SPEG: variants seen among roughly 807,000 people sequenced by gnomAD.
SPEG encodes striated muscle enriched protein kinase.
Under a neutral mutation model 300.4 loss-of-function variants are expected in SPEG, and 114 were observed. The ratio of observed to expected loss-of-function variants is 0.38; its 90% CI spans 0.33 to 0.44. The LOEUF (loss-of-function observed/expected upper bound fraction) is 0.44. Among genes scored for constraint, SPEG ranks in the 20% least tolerant of loss-of-function variants. SPEG has a pLI of 1.00. For missense variants in SPEG, 4,201 were observed against 4,586.2 expected (o/e 0.92, Z 2.43); for synonymous variants, 1,964 against 2,018.9 (o/e 0.97, Z 0.73).
chr2:219,442,503 C>T (rs1157476882), intron 1 of SPEG, among the ~76,000 whole-genome samples: 1 of 148,042 alleles, frequency 6.8e-6, no homozygotes, highest in Non-Finnish European at 1.5e-5. Flanking sequence ...CTGAAAGCAA[C>T]GCACACGGAT....
chr2:219,465,649 GC>G, intron 9 of SPEG: 1 of 288,750 alleles, frequency 3.5e-6, no homozygotes, highest in Non-Finnish European at 6.5e-6. Flanking sequence ...GTCTCTGCCT[GC>G]CCAGGAACCC....
At chr2:219,492,038 A>G in intron 39 of SPEG, 73 bp from the exon 40 acceptor site, 1 of 1,521,460 alleles carries the variant, frequency 6.6e-7, no homozygotes, top group Non-Finnish European at 9.0e-7. Flanking sequence ...TGTGCACCTG[A>G]CACTAATGTC....
Position 219,489,377 on chromosome 2 carries a change from G to A in SPEG, c.8359G>A (p.Val2787Ile), listed in dbSNP as rs1306005418. Residue 2787 changes from valine (V) to isoleucine (I), a missense_variant, in exon 36 of 41, where the codon GTC becomes ATC. By Grantham distance (29) the Val-to-Ile change is conservative. Around this residue, in one of 4 missense-constraint regions of SPEG, gnomAD observed 1,578 missense variants for 1,506.0 expected, o/e 1.05. Transcript: ENST00000312358. Reference sequence around the variant, plus strand: ...ATCTGCTGCCCACCAAGAGGCCCCTGTCACCTCAAGGCCAGCCAGGGCCCG... The same window carrying A: ...ATCTGCTGCCCACCAAGAGGCCCCTATCACCTCAAGGCCAGCCAGGGCCCG... ...VPSAAHQEAP[V>I]TSRPARARPP... 15 of 1,613,262 alleles carry A rather than the reference G, an allele frequency of 9.3e-6. No homozygotes were observed. Among genetic ancestry groups the A allele is most frequent in the Non-Finnish European group, 1.3e-5 (15 of 1,179,774 alleles).
At chr2:219,466,456 T>C in intron 9 of SPEG, 2 of 1,209,386 alleles carry the variant, frequency 1.7e-6, no homozygotes, top group South Asian at 2.3e-5. Flanking sequence ...CAGGGAAGGA[T>C]GCCTCGGAGC....
chr2:219,448,174 C>G lies in SPEG; in HGVS notation c.1016C>G (p.Thr339Ser). 1 of 1,612,000 alleles carries G rather than the reference C, an allele frequency of 6.2e-7. No homozygotes were observed. Among genetic ancestry groups the G allele is most frequent in the South Asian group, 1.1e-5 (1 of 91,026 alleles). Residue 339 changes from threonine (T) to serine (S), a missense_variant, in exon 4 of 41, where the codon ACT (threonine) becomes AGT (serine). Around this residue, in one of 4 missense-constraint regions of SPEG, gnomAD observed 1,258 missense variants for 1,293.9 expected, o/e 0.97. Coordinates refer to ENST00000312358, the MANE Select transcript of SPEG (RefSeq NM_005876.5). The part of the protein sequence containing the change: ...AATPTSPHRR[T>S]QEPVLPEDTT... ...ACCCCCACGTCGCCCCACCGTCGCA[C>G]TCAGGAGCCTGTGCTGCCCGAGGAC...
intron 3 of SPEG, 30 bp from the exon 4 acceptor site, chr2:219,447,944 C>T (rs775632624): frequency 6.2e-7 from 1 of 1,605,156 alleles, no homozygotes; most frequent in Non-Finnish European, 8.5e-7. Context: ...CCCCCTGAAT[C>T]CTCTACCCTT....
Position 219,478,111 on chromosome 2 carries a change from C to A in SPEG, c.5027+6C>A, listed in dbSNP as rs747206258. On this transcript the variant is annotated splice_donor_region_variant and intron_variant, in intron 22 of 40. Coordinates refer to ENST00000312358, the MANE Select transcript of SPEG (RefSeq NM_005876.5). The stretch of plus-strand genomic sequence containing the variant: ...CTGGTCATTGTCACCGAGCTGTATC[C>A]TGGGACAGGCTGGGGGCTAGGGGGA... 6.2e-7 allele frequency: 1 copy of A among 1,611,852 alleles called. No individual in the cohort carries two copies. Among genetic ancestry groups the A allele is most frequent in the Non-Finnish European group, 8.5e-7 (1 of 1,178,114 alleles).
chr2:219,465,930 T>C (rs1472859258), intron 9 of SPEG: 3 of 616,848 alleles, frequency 4.9e-6, no homozygotes, highest in Non-Finnish European at 7.9e-6. Flanking sequence ...TGTGCGCGCG[T>C]GTGCGTGCAC....
Position 219,480,561 on chromosome 2 carries a change from C to A in SPEG, c.5343-110C>A. 2 of 1,100,838 alleles carry A rather than the reference C, an allele frequency of 1.8e-6. No homozygotes were observed. The highest frequency in any genetic ancestry group is 2.8e-6 in the Non-Finnish European group (2 of 717,258). The allele number at this position is 1,100,838 out of a possible 1,614,324, so 68.2% of individuals were successfully genotyped here. A position where few individuals can be genotyped will look rare whatever the true frequency, so the allele number is the denominator to read the frequency against. On this transcript the variant is annotated intron_variant, in intron 25 of 40. Coordinates refer to ENST00000312358, the MANE Select transcript of SPEG (RefSeq NM_005876.5). The surrounding 1 kb of genome is among the most constrained non-coding windows in gnomAD (Gnocchi z 5.3). ...CCACTCCTGTGCCCATTGTCCATGGCAGTGTTCCCAGGGAGGTAACAGCTC... is the reference window on the plus strand; with the variant it reads ...CCACTCCTGTGCCCATTGTCCATGGAAGTGTTCCCAGGGAGGTAACAGCTC...
At position 219,492,961 on chromosome 2, in the gene SPEG, A is replaced by G. The variant is rs771519262; in HGVS notation, c.*175A>G. On this transcript the variant is annotated 3_prime_UTR_variant, in exon 41 of 41. Transcript: ENST00000312358. ...CAAGGACAGAGACCCCAGGGCCTGG[A>G]CCTGATGCCACCCCAGGCCAAAGCC... 6.5e-6 allele frequency: 5 copies of G among 767,726 alleles called. No individual in the cohort carries two copies. The allele number at this position is 767,726 out of a possible 1,614,324, so 47.6% of individuals were successfully genotyped here.
Position 219,484,340 on chromosome 2 carries a change from C to G in SPEG, c.6877C>G (p.Arg2293Gly), listed in dbSNP as rs1693170172. Residue 2293 changes from arginine to glycine, a missense_variant, in exon 30 of 41, where the codon CGC (arginine) becomes GGC (glycine). Physicochemically the swap from Arg to Gly is moderately radical, Grantham distance 125. Coordinates refer to ENST00000312358, the MANE Select transcript of SPEG (RefSeq NM_005876.5). ...CCCACCTCCGGGAGCCCCCGAGAAGCGCGTGCCCTCAGCCGGGGGTCCCCC... is the reference window on the plus strand; with the variant it reads ...CCCACCTCCGGGAGCCCCCGAGAAGGGCGTGCCCTCAGCCGGGGGTCCCCC... Reference protein sequence around the residue: ...ASPPPGAPEKRVPSAGGPPVL... With the variant: ...ASPPPGAPEKGVPSAGGPPVL... The G allele has an allele frequency of 1.9e-6, 3 of 1,604,488 alleles. No individual in the cohort carries two copies. The highest frequency in any genetic ancestry group is 2.7e-5 in the African/African-American group (2 of 74,848).
Position 219,448,800 on chromosome 2 carries a change from G to C in SPEG, c.1642G>C (p.Val548Leu). The change falls in exon 4 of 41, where the codon GTG (valine) becomes CTG (leucine). Residue 548 changes from valine (V) to leucine (L), a missense_variant. Around this residue, in one of 4 missense-constraint regions of SPEG, gnomAD observed 1,258 missense variants for 1,293.9 expected, o/e 0.97. Coordinates refer to ENST00000312358, the MANE Select transcript of SPEG (RefSeq NM_005876.5). ...RPSTPKTSRAVSPAAAQPPSP... is the reference protein window; with the variant it reads ...RPSTPKTSRALSPAAAQPPSP... The stretch of plus-strand genomic sequence containing the variant: ...CTCCACCCCCAAGACATCGCGGGCC[G>C]TGAGCCCCGCCGCCGCCCAGCCGCC... 1 of 1,402,982 alleles carries C rather than the reference G, an allele frequency of 7.1e-7. No homozygotes were observed. The highest frequency in any genetic ancestry group is 9.2e-7 in the Non-Finnish European group (1 of 1,086,478). The allele number at this position is 1,402,982 out of a possible 1,614,324, so 86.9% of individuals were successfully genotyped here.
In SPEG at chr2:219,473,782, A is replaced by G; in HGVS notation, c.4326A>G (p.Pro1442=). 2.5e-6 allele frequency: 4 copies of G among 1,614,062 alleles called. No individual in the cohort carries two copies. Among genetic ancestry groups the G allele is most frequent in the Non-Finnish European group, 3.4e-6 (4 of 1,180,032 alleles). ...CCGGTGTGTACGAGCTGAGCCAGCCAGATGATGACCAGTACTGTCTTCGGA... is the reference window on the plus strand; with the variant it reads ...CCGGTGTGTACGAGCTGAGCCAGCCGGATGATGACCAGTACTGTCTTCGGA... ...ARAGVYELSQ[P]DDDQYCLRIC... is the part of the protein sequence containing the mutation. The change falls in exon 18 of 41, where the codon CCA becomes CCG. Residue 1442 remains proline, a synonymous_variant. Transcript: ENST00000312358. The surrounding 1 kb of genome is among the most constrained non-coding windows in gnomAD (Gnocchi z 4.6).
chr2:219,449,058 C>T lies in SPEG; in HGVS notation c.1900C>T (p.Pro634Ser). The T allele has an allele frequency of 2.0e-6, 3 of 1,518,178 alleles. No individual in the cohort carries two copies. Among genetic ancestry groups the T allele is most frequent in the Non-Finnish European group, 2.6e-6 (3 of 1,132,774 alleles). 94.0% of individuals were successfully genotyped at this position (1,518,178 alleles called of 1,614,324 possible). The stretch of plus-strand genomic sequence containing the variant: ...ACCCCCCGGTCGGAAGCGGGAGCCC[C>T]CGGCGCAGGCCGTGCGCTTCCTGCC... ...KAPPGRKREPPAQAVRFLPWA... is the reference protein window; with the variant it reads ...KAPPGRKREPSAQAVRFLPWA... The change falls in exon 4 of 41, where the codon CCG (proline) becomes TCG (serine). Residue 634 changes from proline to serine, a missense_variant. Around this residue, in one of 4 missense-constraint regions of SPEG, gnomAD observed 1,258 missense variants for 1,293.9 expected, o/e 0.97. Coordinates refer to ENST00000312358, the MANE Select transcript of SPEG (RefSeq NM_005876.5).
chr2:219,487,963 T>C (rs903030581), intron 31 of SPEG, among the ~76,000 whole-genome samples: 1 of 152,176 alleles, frequency 6.6e-6, no homozygotes, highest in African/African-American at 2.4e-5. Flanking sequence ...CAGCAGTCAG[T>C]GCAAGGAAAA....
intron 1 of SPEG, chr2:219,442,094 CG>C (rs1189548252): frequency 4.2e-6 from 5 of 1,192,804 alleles, no homozygotes; most frequent in South Asian, 4.2e-5. Flanking sequence ...GTGAGGGCTC[CG>C]GGGGCGGGCG....
chr2:219,468,820 A>C, intron 11 of SPEG, 39 bp from the exon 12 acceptor site: 1 of 1,607,806 alleles, frequency 6.2e-7, no homozygotes, highest in Non-Finnish European at 8.5e-7. Context: ...AGGGCCCCTC[A>C]CTGTGCCTGC....
At chr2:219,486,638 C>T (rs1367526082) in intron 31 of SPEG, among the ~76,000 whole-genome samples, 1 of 152,172 alleles carries the variant, frequency 6.6e-6, no homozygotes, top group Non-Finnish European at 1.5e-5. Flanking sequence ...CAGCTGATTT[C>T]CTGCTGAGGC....
chr2:219,460,687 C>T (rs3755061), intron 6 of SPEG: 506,797 of 984,558 alleles, frequency 0.51, 133,941 homozygotes, highest in East Asian at 0.67. Context: ...CCTCTCCTCC[C>T]CCTCCACACC....
Sources: gnomAD v4.1 joint callset for allele counts (sites outside exome capture counted in the v4.1 genomes callset) on GRCh38, gnomAD v4.1.1 for gene constraint, gnomAD v4.1.1 regional missense constraint, Gnocchi (gnomAD v3.1) non-coding constraint, MANE v1.5 for transcripts, NCBI Gene and HGNC (gene_info 2026-07-23, HGNC 2026-07-21) for gene names.